ARHGEF28: variants seen among roughly 807,000 people sequenced by gnomAD.
The protein encoded by ARHGEF28 is 190 kDa guanine nucleotide exchange factor.
ARHGEF28 carries 152 observed loss-of-function variants against 206.6 expected under a neutral mutation model. The observed-to-expected ratio is 0.74, with a 90% CI of 0.64 to 0.84. The LOEUF is 0.84. Ranked by LOEUF, ARHGEF28 falls within the 40% of genes least tolerant of loss-of-function variation. ARHGEF28 has a pLI of 0.00. For missense variants in ARHGEF28, 2,028 were observed against 2,073.2 expected, an observed-to-expected ratio of 0.98 and a Z score of 0.42; for synonymous variants, 763 against 776.4, an observed-to-expected ratio of 0.98 and a Z score of 0.29.
Position 73,846,485 on chromosome 5 carries a change from T to A in ARHGEF28, c.1635+10T>A. Reference sequence around the variant, plus strand: ...TAATCTACAGTCGAAGGTATTCTTATTGCTATTAATTTGGTATATTGCAAG... The same window carrying A: ...TAATCTACAGTCGAAGGTATTCTTAATGCTATTAATTTGGTATATTGCAAG... On this transcript the variant is annotated intron_variant, in intron 12 of 35. Transcript: ENST00000513042. 1 of 1,609,976 alleles carries A rather than the reference T, an allele frequency of 6.2e-7. No individual in the cohort carries two copies. Among genetic ancestry groups the A allele is most frequent in the Middle Eastern group, 1.7e-4 (1 of 6,040 alleles).
chr5:73,783,356 G>GTGTA (rs1309209507), intron 7 of ARHGEF28, among the ~76,000 whole-genome samples: 1 of 102,404 alleles, frequency 9.8e-6, no homozygotes, highest in Non-Finnish European at 2.0e-5. Context: ...GTGTGTGTGT[G>GTGTA]TGTGTGTGTG....
At chr5:73,693,240 C>T (rs1024387631) in intron 2 of ARHGEF28, among the ~76,000 whole-genome samples, 1 of 152,182 alleles carries the variant, frequency 6.6e-6, no homozygotes, top group African/African-American at 2.4e-5. Flanking sequence ...ATCTCCATTT[C>T]CTCATTGACC....
chr5:73,871,743 A>G (rs1760117695), intron 21 of ARHGEF28, among the ~76,000 whole-genome samples: 1 of 152,200 alleles, frequency 6.6e-6, no homozygotes, highest in Non-Finnish European at 1.5e-5. Context: ...AATCCTGTAC[A>G]TGTTACTAGT....
At chr5:73,797,279 A>G (rs1485291796) in intron 9 of ARHGEF28, among the ~76,000 whole-genome samples, 1 of 90,494 alleles carries the variant, frequency 1.1e-5, no homozygotes, top group South Asian at 3.2e-4. Context: ...CAGATTTTCA[A>G]AGAACCTGAG....
chr5:73,650,206 A>G (rs1744712906), intron 1 of ARHGEF28, among the ~76,000 whole-genome samples: 1 of 150,190 alleles, frequency 6.7e-6, no homozygotes, highest in African/African-American at 2.5e-5. Context: ...CTTGTTTTAG[A>G]GCTGCAAGTA....
At chr5:73,898,265 A>C in intron 30 of ARHGEF28, 172 bp downstream of exon 30, 8 of 731,462 alleles carry the variant, frequency 1.1e-5, no homozygotes, top group Non-Finnish European at 1.6e-5. Context: ...TATCATAGGC[A>C]TATAATAATG....
chr5:73,727,973 T>A (rs1750381586), intron 2 of ARHGEF28, among the ~76,000 whole-genome samples: 1 of 152,202 alleles, frequency 6.6e-6, no homozygotes, highest in Non-Finnish European at 1.5e-5. Context: ...CTCTAGGTCC[T>A]TTCCACGTCA....
At chr5:73,815,190 G>GTATATATATA (rs34284444) in intron 9 of ARHGEF28, among the ~76,000 whole-genome samples, 4 of 148,456 alleles carry the variant, frequency 2.7e-5, no homozygotes, top group Admixed American at 6.7e-5. Context: ...GATTCAGGGG[G>GTATATATATA]TATATATATA....
At chr5:73,722,093 A>G (rs1310615389) in intron 2 of ARHGEF28, among the ~76,000 whole-genome samples, 1 of 152,242 alleles carries the variant, frequency 6.6e-6, no homozygotes, top group Non-Finnish European at 1.5e-5. Context: ...AGTAGCACAC[A>G]GATATATCTG....
intron 4 of ARHGEF28, among the ~76,000 whole-genome samples, chr5:73,756,394 G>A (rs1239461980): frequency 6.6e-6 from 1 of 152,198 alleles, no homozygotes; most frequent in Non-Finnish European, 1.5e-5. Context: ...AAAATTTCTA[G>A]GAATGTTTCT....
At chr5:73,804,113 A>C (rs772071877) in intron 9 of ARHGEF28, among the ~76,000 whole-genome samples, 1 of 146,664 alleles carries the variant, frequency 6.8e-6, no homozygotes, top group African/African-American at 2.5e-5. Context: ...AAAAAGAAAG[A>C]GTCAAGTTGA....
chr5:73,685,613 T>A (rs1216846223), intron 2 of ARHGEF28, among the ~76,000 whole-genome samples: 5 of 152,160 alleles, frequency 3.3e-5, no homozygotes, highest in South Asian at 2.1e-4. Context: ...AATTTTATTT[T>A]TTTTATTTTT....
chr5:73,901,071 T>C (rs1277886463), intron 30 of ARHGEF28, 113 bp from the exon 31 acceptor site: 2 of 768,638 alleles, frequency 2.6e-6, no homozygotes, highest in Non-Finnish European at 4.4e-6. Flanking sequence ...TATGTATTAT[T>C]TTGTGGTGTT....
chr5:73,860,505 G>A (rs1437311831), intron 16 of ARHGEF28, among the ~76,000 whole-genome samples: 1 of 152,096 alleles, frequency 6.6e-6, no homozygotes, highest in African/African-American at 2.4e-5. Flanking sequence ...ACTTGGCCTG[G>A]CATCACAAGC....
Position 73,846,006 on chromosome 5 carries a change from A to G in ARHGEF28, c.1428-262A>G, listed in dbSNP as rs1051724972. On this transcript the variant is annotated intron_variant, in intron 11 of 35. Coordinates refer to ENST00000513042, the MANE Select transcript of ARHGEF28 (RefSeq NM_001177693.2). ...TGTCTCAAAAAAAAAAAAAAAAAAA[A>G]AAAAGAAAGAAAGAAAGAAAATGAA... Among the ~76,000 whole-genome samples the G allele has an allele frequency of 2.8e-3, 420 of 149,672 alleles. 1 individual carries two copies. The highest frequency in any genetic ancestry group is 9.6e-3 in the African/African-American group (388 of 40,612).
intron 35 of ARHGEF28, among the ~76,000 whole-genome samples, chr5:73,916,670 TCTGAG>T (rs1561193419): frequency 6.6e-6 from 1 of 152,148 alleles, no homozygotes; most frequent in African/African-American, 2.4e-5. Context: ...ACAAATACAT[TCTGAG>T]CTACTGGGGG....
chr5:73,743,902 G>T (rs140215658), intron 2 of ARHGEF28, among the ~76,000 whole-genome samples: 1,547 of 152,216 alleles, frequency 0.01, 12 homozygotes, highest in Non-Finnish European at 0.014. Context: ...CTAAATATTC[G>T]TGCATTTGCT....
At chr5:73,897,230 C>G (rs762648395) in intron 29 of ARHGEF28, among the ~76,000 whole-genome samples, 30 of 152,312 alleles carry the variant, frequency 2.0e-4, no homozygotes, top group Non-Finnish European at 3.4e-4. Context: ...GCTGCAGTAG[C>G]ATTTATAATG....
At chr5:73,771,210 A>C (rs532534414) in intron 4 of ARHGEF28, among the ~76,000 whole-genome samples, 2 of 152,330 alleles carry the variant, frequency 1.3e-5, no homozygotes, top group African/African-American at 4.8e-5. Flanking sequence ...CAACTATGGA[A>C]TATTTCTCAC....
Sources: allele counts gnomAD v4.1 joint callset (sites outside exome capture counted in the v4.1 genomes callset), GRCh38; gene constraint gnomAD v4.1.1; transcripts MANE v1.5; gene names NCBI Gene and HGNC (gene_info 2026-07-23, HGNC 2026-07-21).